Variants in LNX2 observed in about 807,000 individuals in gnomAD.
LNX2 encodes the protein ligand of numb-protein X 2.
Under a neutral mutation model 66.2 loss-of-function variants are expected in LNX2, and 35 were observed. That is an observed-to-expected ratio of 0.53 (90% CI 0.40 to 0.70). The LOEUF is 0.70. LNX2 is among the 30% of genes least tolerant of loss of function. The pLI is 0.00. For missense variants in LNX2, 791 were observed against 850.8 expected, an observed-to-expected ratio of 0.93 and a Z score of 0.87; for synonymous variants, 337 against 315.6, an observed-to-expected ratio of 1.07 and a Z score of -0.72.
At chr13:27,564,481 C>CT (rs1185258959) in intron 4 of LNX2, among the ~76,000 whole-genome samples, 1 of 151,928 alleles carries the variant, frequency 6.6e-6, no homozygotes, top group Non-Finnish European at 1.5e-5. Context: ...AGTTATATTA[C>CT]TTTTATTAAT....
Position 27,556,251 on chromosome 13 carries a change from C to G in LNX2, c.1531G>C (p.Gly511Arg), listed in dbSNP as rs780041290. ...CCCATCTTACCTCTCTTTATTCTGC[C>G]ATCTCGTGCAAGGCAGCCATGGGGT... ...VPPHGCLARD[G>R]RIKRGDVLLN... Residue 511 changes from glycine (G) to arginine (R), a missense_variant, in exon 7 of 10, where the codon GGC (glycine) becomes CGC (arginine). Coordinates refer to ENST00000316334, the MANE Select transcript of LNX2 (RefSeq NM_153371.4). 6.2e-7 allele frequency: 1 copy of G among 1,613,400 alleles called. No homozygotes were observed. Among genetic ancestry groups the G allele is most frequent in the Non-Finnish European group, 8.5e-7 (1 of 1,179,714 alleles).
intron 1 of LNX2, among the ~76,000 whole-genome samples, chr13:27,585,154 G>A (rs1007622818): frequency 2.0e-5 from 3 of 151,374 alleles, no homozygotes; most frequent in East Asian, 1.9e-4. Flanking sequence ...GGCGAGGCAC[G>A]GTGGCTCACA....
chr13:27,580,299 A>G (rs1397096126), intron 2 of LNX2, among the ~76,000 whole-genome samples: 1 of 152,104 alleles, frequency 6.6e-6, no homozygotes, highest in Non-Finnish European at 1.5e-5. Flanking sequence ...TATTCATAAA[A>G]TGAGGGGGAT....
intron 1 of LNX2, among the ~76,000 whole-genome samples, chr13:27,613,687 G>C (rs890802861): frequency 6.6e-6 from 1 of 152,166 alleles, no homozygotes; most frequent in African/African-American, 2.4e-5. Flanking sequence ...AGAATCACTT[G>C]AACCTGGGAG....
intron 1 of LNX2, among the ~76,000 whole-genome samples, chr13:27,586,960 T>C (rs930157517): frequency 1.3e-5 from 2 of 152,176 alleles, no homozygotes; most frequent in African/African-American, 4.8e-5. Flanking sequence ...GGGATAAGAA[T>C]ATCCACAAAG....
chr13:27,616,906 A>G (rs1298435658), intron 1 of LNX2, among the ~76,000 whole-genome samples: 1 of 152,090 alleles, frequency 6.6e-6, no homozygotes, highest in Non-Finnish European at 1.5e-5. Context: ...ACCTGCCACC[A>G]CGCCCAGCTA....
At chr13:27,577,483 C>T (rs1276298634) in intron 2 of LNX2, among the ~76,000 whole-genome samples, 8 of 151,834 alleles carry the variant, frequency 5.3e-5, no homozygotes, top group South Asian at 4.2e-4. Context: ...CTGGGCCACA[C>T]GGGAAGAAGA....
chr13:27,588,565 G>A (rs754730674), intron 1 of LNX2, among the ~76,000 whole-genome samples: 35 of 152,160 alleles, frequency 2.3e-4, no homozygotes, highest in African/African-American at 8.2e-4. Flanking sequence ...AACGGAAATT[G>A]TATCAATGCC....
chr13:27,565,114 A>G (rs1955188906), intron 4 of LNX2, among the ~76,000 whole-genome samples: 1 of 152,200 alleles, frequency 6.6e-6, no homozygotes, highest in Admixed American at 6.5e-5. Flanking sequence ...TGGAATTTCT[A>G]CAATGTAGAC....
At chr13:27,566,966 C>T (rs1443012748) in intron 4 of LNX2, among the ~76,000 whole-genome samples, 1 of 152,116 alleles carries the variant, frequency 6.6e-6, no homozygotes, top group East Asian at 1.9e-4. Context: ...TCTCAACTTG[C>T]CCTCTAATAA....
chr13:27,548,399 A>G lies in LNX2; in HGVS notation c.2009T>C (p.Met670Thr). ...GACTTTGTTCCTCTGCTCCTTCAAC[A>G]TGGGAACTAGTGCAGAGTGGCTCAT... ...VGMSHSALVP[M>T]LKEQRNKVTL... Residue 670 changes from methionine to threonine, a missense_variant, in exon 10 of 10, where the codon ATG (methionine) becomes ACG (threonine). Met to Thr is a moderately conservative substitution (Grantham distance 81). Transcript: ENST00000316334. The G allele has an allele frequency of 6.2e-7, 1 of 1,614,068 alleles. No individual in the cohort carries two copies. The highest frequency in any genetic ancestry group is 8.5e-7 in the Non-Finnish European group (1 of 1,179,916).
chr13:27,575,799 A>T (rs1012566965), intron 2 of LNX2, among the ~76,000 whole-genome samples: 1 of 152,228 alleles, frequency 6.6e-6, no homozygotes, highest in Admixed American at 6.6e-5. Flanking sequence ...AGACTGCTAT[A>T]AACTAGGATG....
intron 2 of LNX2, among the ~76,000 whole-genome samples, chr13:27,575,664 G>C (rs973898361): frequency 2.6e-5 from 4 of 152,220 alleles, no homozygotes; most frequent in Admixed American, 1.3e-4. Context: ...AGCGTGCAGA[G>C]AGCAGAACGT....
intron 2 of LNX2, among the ~76,000 whole-genome samples, chr13:27,579,914 A>G (rs1258403917): frequency 6.6e-6 from 1 of 152,242 alleles, no homozygotes; most frequent in Non-Finnish European, 1.5e-5. Context: ...ATATAAAAAA[A>G]TGCAATGCTA....
intron 1 of LNX2, among the ~76,000 whole-genome samples, chr13:27,590,830 T>C (rs1264028349): frequency 1.3e-5 from 2 of 152,158 alleles, no homozygotes; most frequent in East Asian, 3.8e-4. Context: ...CCAGGCTTCA[T>C]TATCTTAACT....
rs1475205468 is a variant in LNX2, at chr13:27,547,511, C to G, written c.*824G>C. ...ATTGAGAGATTACAGTAGAAATAAACCAGAAAATCAGTTTATAAACAGTAT... is the reference window on the plus strand; with the variant it reads ...ATTGAGAGATTACAGTAGAAATAAAGCAGAAAATCAGTTTATAAACAGTAT... On this transcript the variant is annotated 3_prime_UTR_variant, in exon 10 of 10. Transcript: ENST00000316334. 2 of 152,022 alleles carry G rather than the reference C, an allele frequency of 1.3e-5. No homozygotes were observed. The highest frequency in any genetic ancestry group is 2.9e-5 in the Non-Finnish European group (2 of 67,994). The allele number at this position is 152,022 out of a possible 1,614,324, so 9.4% of individuals were successfully genotyped here. A position where few individuals can be genotyped will look rare whatever the true frequency, so the allele number is the denominator to read the frequency against.
intron 2 of LNX2, among the ~76,000 whole-genome samples, chr13:27,571,881 C>T (rs1165975895): frequency 1.3e-5 from 2 of 152,142 alleles, no homozygotes; most frequent in Non-Finnish European, 2.9e-5. Flanking sequence ...CAATTACTTA[C>T]GTAACAACCT....
At chr13:27,554,271 A>G (rs1955034910) in intron 7 of LNX2, among the ~76,000 whole-genome samples, 1 of 152,236 alleles carries the variant, frequency 6.6e-6, no homozygotes, top group Admixed American at 6.5e-5. Flanking sequence ...CAGCTTGAGA[A>G]ATAATTCACA....
Position 27,569,172 on chromosome 13 carries a change from G to A in LNX2, c.512C>T (p.Ala171Val), listed in dbSNP as rs1955245644. ...NENGPTLLDP[A>V]GTLSPEADCL... ...GTCTGCTTCTGGAGATAAGGTACCT[G>A]CAGGATCTAGTAGAGTGGGCCCATT... Residue 171 changes from alanine to valine, a missense_variant, in exon 3 of 10, where the codon GCA becomes GTA. Coordinates refer to ENST00000316334, the MANE Select transcript of LNX2 (RefSeq NM_153371.4). The A allele has an allele frequency of 1.9e-6, 3 of 1,612,590 alleles. No individual in the cohort carries two copies. Among genetic ancestry groups the A allele is most frequent in the African/African-American group, 1.3e-5 (1 of 74,780 alleles).
Sources: allele counts gnomAD v4.1 joint callset (sites outside exome capture counted in the v4.1 genomes callset), GRCh38; gene constraint gnomAD v4.1.1; transcripts MANE v1.5; gene names NCBI Gene and HGNC (gene_info 2026-07-23, HGNC 2026-07-21).